Variants in CHN1 observed in about 807,000 individuals in gnomAD.
The protein encoded by CHN1 is chimerin 1, also known as N-chimaerin.
Under a neutral mutation model 59.5 loss-of-function variants are expected in CHN1, and 37 were observed. That is an observed-to-expected ratio of 0.62 (90% CI 0.48 to 0.82). The LOEUF (loss-of-function observed/expected upper bound fraction) is 0.82. Ranked by LOEUF, CHN1 falls within the 40% of genes least tolerant of loss-of-function variation. CHN1 has a pLI of 0.00. For missense variants in CHN1, 469 were observed against 571.0 expected (o/e 0.82, Z 1.82); for synonymous variants, 206 against 200.4 (o/e 1.03, Z -0.24).
chr2:174,980,651 GCT>G (rs1437175209), intron 1 of CHN1, among the ~76,000 whole-genome samples: 1 of 152,130 alleles, frequency 6.6e-6, no homozygotes, highest in Non-Finnish European at 1.5e-5. Context: ...TGATGAAGAT[GCT>G]CTGTTTTTCC....
intron 8 of CHN1, among the ~76,000 whole-genome samples, chr2:174,818,968 C>G (rs1289650577): frequency 6.6e-6 from 1 of 152,046 alleles, no homozygotes; most frequent in Non-Finnish European, 1.5e-5. Context: ...TCTGAATGTT[C>G]ATATTTTAAA....
intron 1 of CHN1, among the ~76,000 whole-genome samples, chr2:174,967,711 A>G (rs1333278528): frequency 6.6e-6 from 1 of 152,218 alleles, no homozygotes; most frequent in Non-Finnish European, 1.5e-5. Context: ...ACTGTAATTC[A>G]GTGGTCTCAG....
chr2:174,900,554 C>G (rs1425893272), intron 5 of CHN1, among the ~76,000 whole-genome samples: 2 of 152,154 alleles, frequency 1.3e-5, no homozygotes, highest in Non-Finnish European at 2.9e-5. Flanking sequence ...GCCTGTAATC[C>G]CAGTACTTTG....
intron 8 of CHN1, among the ~76,000 whole-genome samples, chr2:174,814,331 T>A (rs1685171684): frequency 6.6e-6 from 1 of 152,238 alleles, no homozygotes; most frequent in African/African-American, 2.4e-5. Flanking sequence ...CTATTCTGTA[T>A]CATTAATGTC....
At position 174,982,564 on chromosome 2, in the gene CHN1, T is replaced by G. The variant is rs112629189; in HGVS notation, c.19+22330A>C. The stretch of plus-strand genomic sequence containing the variant: ...TGATGGCCAGCAAATTCACACTAAT[T>G]TTTAACATAAAACATTTAATTTAGA... On this transcript the variant is annotated intron_variant, in intron 1 of 12. Coordinates refer to ENST00000409900, the MANE Select transcript of CHN1 (RefSeq NM_001822.7). Among the ~76,000 whole-genome samples the G allele has an allele frequency of 1.7e-3, 261 of 152,308 alleles. 1 individual carries two copies. The highest frequency in any genetic ancestry group is 5.7e-3 in the African/African-American group (236 of 41,556).
At chr2:174,967,305 C>G (rs182428) in intron 1 of CHN1, among the ~76,000 whole-genome samples, 152,105 of 152,290 alleles carry the variant, frequency 1, 75,960 homozygotes, top group Middle Eastern at 1. Flanking sequence ...GCAGGGAGCC[C>G]AGACGACATC....
chr2:174,892,943 A>G (rs550625208), intron 5 of CHN1, among the ~76,000 whole-genome samples: 188 of 152,288 alleles, frequency 1.2e-3, no homozygotes, highest in Non-Finnish European at 2.2e-3. Context: ...ACACCACTCA[A>G]CAAACTGGGA....
chr2:174,977,755 A>G (rs1489344269), intron 1 of CHN1, among the ~76,000 whole-genome samples: 3 of 152,234 alleles, frequency 2.0e-5, no homozygotes, highest in African/African-American at 7.2e-5. Flanking sequence ...CATGAGGCTT[A>G]CATTTCTAAA....
At chr2:174,973,583 C>T (rs1690827101) in intron 1 of CHN1, among the ~76,000 whole-genome samples, 2 of 152,234 alleles carry the variant, frequency 1.3e-5, no homozygotes, top group Admixed American at 1.3e-4. Flanking sequence ...TGCCTGGGCA[C>T]TTCACTTCTG....
At chr2:174,853,232 T>C (rs968573360) in intron 6 of CHN1, among the ~76,000 whole-genome samples, 1 of 151,888 alleles carries the variant, frequency 6.6e-6, no homozygotes, top group Non-Finnish European at 1.5e-5. Flanking sequence ...TAACAATCTA[T>C]AACAAACTTA....
intron 5 of CHN1, among the ~76,000 whole-genome samples, chr2:174,886,374 T>C (rs560666149): frequency 4.6e-5 from 7 of 152,338 alleles, no homozygotes; most frequent in Non-Finnish European, 5.9e-5. Context: ...TTGTAGTGTA[T>C]TGAGTTGCCT....
Position 174,948,423 on chromosome 2 carries a change from CAA to C in CHN1, c.59-3482_59-3481del, listed in dbSNP as rs138071224. On this transcript the variant is annotated intron_variant, in intron 2 of 12. Transcript: ENST00000409900. Reference sequence around the variant, plus strand: ...TGTAAGGTTCCTGGTTTAATTCACACAATAAGTACTGAAAAGCGACAAAACCG... The same window carrying C: ...TGTAAGGTTCCTGGTTTAATTCACACTAAGTACTGAAAAGCGACAAAACCG... Among the ~76,000 whole-genome samples, 289 of 152,230 alleles carry C rather than the reference CAA, an allele frequency of 1.9e-3. 14 individuals are homozygous for C. In the East Asian group the frequency reaches 0.041, roughly 22 times the overall value.
intron 6 of CHN1, among the ~76,000 whole-genome samples, chr2:174,867,378 CA>C (rs371650645): frequency 1.9e-3 from 221 of 116,790 alleles, no homozygotes; most frequent in East Asian, 4.6e-3. Flanking sequence ...GACTCTGTCT[CA>C]AAAAAAAAAA....
chr2:174,975,321 TA>T (rs571783456), intron 1 of CHN1, among the ~76,000 whole-genome samples: 232 of 152,298 alleles, frequency 1.5e-3, no homozygotes, highest in South Asian at 3.1e-3. Flanking sequence ...CCAAGCCTAC[TA>T]AAACATTGAA....
At chr2:174,914,842 CAAAAAA>C (rs577375465) in intron 5 of CHN1, among the ~76,000 whole-genome samples, 144 of 100,066 alleles carry the variant, frequency 1.4e-3, no homozygotes, top group African/African-American at 4.8e-3. Flanking sequence ...AGATTCCATT[CAAAAAA>C]AAAAAAAAAA....
intron 6 of CHN1, chr2:174,847,167 C>A: frequency 6.5e-7 from 1 of 1,527,706 alleles, no homozygotes; most frequent in South Asian, 1.3e-5. Context: ...CTATAGTGGT[C>A]TATGTCTGTC....
chr2:174,829,099 G>A (rs375598440), intron 7 of CHN1, among the ~76,000 whole-genome samples: 2 of 152,088 alleles, frequency 1.3e-5, no homozygotes, highest in South Asian at 2.1e-4. Context: ...AGGGCAAAAC[G>A]AACTAGTTTC....
At chr2:175,001,665 CATT>C (rs1691893533) in intron 1 of CHN1, among the ~76,000 whole-genome samples, 2 of 152,292 alleles carry the variant, frequency 1.3e-5, no homozygotes, top group Admixed American at 6.5e-5. Context: ...GATAGAGGAC[CATT>C]ATTCAAGGTT....
chr2:174,917,665 T>C (rs745724494), intron 4 of CHN1, among the ~76,000 whole-genome samples: 4 of 152,140 alleles, frequency 2.6e-5, no homozygotes, highest in Non-Finnish European at 4.4e-5. Flanking sequence ...ACTATATAAA[T>C]TACAATACAA....
Sources: gnomAD v4.1 joint callset for allele counts (sites outside exome capture counted in the v4.1 genomes callset) on GRCh38, gnomAD v4.1.1 for gene constraint, MANE v1.5 for transcripts, NCBI Gene and HGNC (gene_info 2026-07-23, HGNC 2026-07-21) for gene names.